Variants in PDE1A observed in about 807,000 individuals in gnomAD.
PDE1A encodes the protein phosphodiesterase 1A.
PDE1A carries 35 observed loss-of-function variants against 61.7 expected under a neutral mutation model. The ratio of observed to expected loss-of-function variants is 0.57; its 90% CI spans 0.43 to 0.75. The LOEUF (loss-of-function observed/expected upper bound fraction) is 0.75. PDE1A is among the 30% of genes least tolerant of loss of function. PDE1A has a pLI of 0.00. For missense variants in PDE1A, 597 were observed against 630.6 expected (o/e 0.95, Z 0.57); for synonymous variants, 232 against 213.2 (o/e 1.09, Z -0.77).
At chr2:182,319,617 T>TG (rs1696572231) in intron 1 of PDE1A, among the ~76,000 whole-genome samples, 7 of 152,164 alleles carry the variant, frequency 4.6e-5, no homozygotes, top group Non-Finnish European at 1.0e-4. Context: ...TCCCCAAACA[T>TG]ATTTTCTGAG....
chr2:182,333,549 T>G (rs1369317088), intron 1 of PDE1A, among the ~76,000 whole-genome samples: 1 of 152,036 alleles, frequency 6.6e-6, no homozygotes, highest in Non-Finnish European at 1.5e-5. Flanking sequence ...AAAGACACAA[T>G]GTACCAGGAT....
chr2:182,517,124 C>T (rs1690252554), intron 2 of PDE1A, among the ~76,000 whole-genome samples: 1 of 152,152 alleles, frequency 6.6e-6, no homozygotes. Context: ...CTGAGACTGT[C>T]ATCTTTTCTG....
the PDE1A span, among the ~76,000 whole-genome samples, chr2:182,672,624 T>C: frequency 6.6e-6 from 1 of 152,192 alleles, no homozygotes; most frequent in African/African-American, 2.4e-5. Context: ...CTGGAAGCCA[T>C]CAAAAAGACA....
chr2:182,695,819 C>T, the PDE1A span, among the ~76,000 whole-genome samples: 1 of 152,144 alleles, frequency 6.6e-6, no homozygotes, highest in Non-Finnish European at 1.5e-5. Flanking sequence ...CCTTAACAGA[C>T]ACCTCAGCAA....
At chr2:182,643,944 C>T in the PDE1A span, among the ~76,000 whole-genome samples, 3 of 152,000 alleles carry the variant, frequency 2.0e-5, no homozygotes, top group East Asian at 5.8e-4. Context: ...ATTTATACAA[C>T]CAAAATTCTT....
chr2:182,187,737 C>CTTTTTTTTTTTTTTTTTTTTTTTTTTTTT (rs1038970569), intron 11 of PDE1A, among the ~76,000 whole-genome samples: 2 of 66,382 alleles, frequency 3.0e-5, no homozygotes, highest in Admixed American at 2.3e-4. Flanking sequence ...TTTTTTTGTT[C>CTTTTTTTTTTTTTTTTTTTTTTTTTTTTT]TTTTTTTTTT....
intron 13 of PDE1A, among the ~76,000 whole-genome samples, chr2:182,160,080 C>G (rs1240029647): frequency 6.6e-5 from 10 of 152,246 alleles, no homozygotes; most frequent in Non-Finnish European, 1.5e-5. Flanking sequence ...TATAAATGAG[C>G]AAACTGAAAC....
chr2:182,197,169 TAAGTA>T (rs939619598), intron 10 of PDE1A, among the ~76,000 whole-genome samples: 1 of 151,876 alleles, frequency 6.6e-6, no homozygotes, highest in Non-Finnish European at 1.5e-5. Flanking sequence ...AATTCTTTGA[TAAGTA>T]AAGAAAATGA....
At chr2:182,633,573 T>C in the PDE1A span, among the ~76,000 whole-genome samples, 18 of 152,308 alleles carry the variant, frequency 1.2e-4, no homozygotes, top group Non-Finnish European at 2.6e-4. Flanking sequence ...ATCTGTGACC[T>C]GAGTCATGGA....
At chr2:182,295,819 A>G (rs1411281871) in intron 1 of PDE1A, among the ~76,000 whole-genome samples, 1 of 152,218 alleles carries the variant, frequency 6.6e-6, no homozygotes, top group East Asian at 1.9e-4. Context: ...ATAAAAATGA[A>G]GAAACCTGGA....
At chr2:182,673,086 C>T in the PDE1A span, among the ~76,000 whole-genome samples, 1 of 152,132 alleles carries the variant, frequency 6.6e-6, no homozygotes, top group Non-Finnish European at 1.5e-5. Context: ...AAAAAGGGTC[C>T]TCACATGTTT....
chr2:182,450,098 A>G (rs1685412668), intron 2 of PDE1A, among the ~76,000 whole-genome samples: 1 of 152,166 alleles, frequency 6.6e-6, no homozygotes, highest in African/African-American at 2.4e-5. Flanking sequence ...AACCTGGCAC[A>G]CAGTAAATGG....
the PDE1A span, chr2:182,716,198 G>A: frequency 0.023 from 3,567 of 152,398 alleles, 130 homozygotes; most frequent in African/African-American, 0.082. Context: ...GGCCCGCAGC[G>A]GGTCTCCCCA....
chr2:182,161,403 T>C (rs1691374058), intron 13 of PDE1A, among the ~76,000 whole-genome samples: 8 of 118,904 alleles, frequency 6.7e-5, no homozygotes. Flanking sequence ...GGGATGATCC[T>C]GATGGGGGGC....
At chr2:182,618,111 T>C in the PDE1A span, among the ~76,000 whole-genome samples, 3 of 152,174 alleles carry the variant, frequency 2.0e-5, no homozygotes, top group East Asian at 3.8e-4. Flanking sequence ...TGTTGTTACA[T>C]TTGAGTTTTA....
intron 2 of PDE1A, among the ~76,000 whole-genome samples, chr2:182,513,323 C>A (rs1436332344): frequency 6.6e-6 from 1 of 152,158 alleles, no homozygotes; most frequent in Non-Finnish European, 1.5e-5. Context: ...AACATTCCAA[C>A]CAAGAATTTC....
chr2:182,168,101 C>T, exon 14 of PDE1A: 1 of 1,367,468 alleles, frequency 7.3e-7, no homozygotes, highest in Non-Finnish European at 9.4e-7. Flanking sequence ...ATTTATGTGG[C>T]TCATGATGCT....
At chr2:182,623,325 A>G in the PDE1A span, among the ~76,000 whole-genome samples, 1 of 152,298 alleles carries the variant, frequency 6.6e-6, no homozygotes, top group Admixed American at 6.5e-5. Flanking sequence ...GACATAGTAC[A>G]CTTCTCTAGG....
intron 13 of PDE1A, among the ~76,000 whole-genome samples, chr2:182,176,293 G>A (rs1321768146): frequency 1.3e-5 from 2 of 149,292 alleles, no homozygotes; most frequent in East Asian, 1.9e-4. Context: ...CCATTTTCAC[G>A]ATATTGATTT....
Sources: allele counts gnomAD v4.1 joint callset (sites outside exome capture counted in the v4.1 genomes callset), GRCh38; gene constraint gnomAD v4.1.1; transcripts MANE v1.5; gene names NCBI Gene and HGNC (gene_info 2026-07-23, HGNC 2026-07-21).